KCNT2: variants seen among roughly 807,000 people sequenced by gnomAD.
The protein encoded by KCNT2 is potassium sodium-activated channel subfamily T member 2.
Under a neutral mutation model 153.8 loss-of-function variants are expected in KCNT2, and 67 were observed. That is an observed-to-expected ratio of 0.44 (90% CI 0.36 to 0.53). KCNT2 has a LOEUF of 0.53. Among genes scored for constraint, KCNT2 ranks in the 20% least tolerant of loss-of-function variants. The pLI, the probability that KCNT2 is intolerant of heterozygous loss-of-function variation, is 0.00. For missense variants in KCNT2, 975 were observed against 1,354.8 expected (o/e 0.72, Z 4.40); for synonymous variants, 500 against 458.8 (o/e 1.09, Z -1.15).
intron 25 of KCNT2, among the ~76,000 whole-genome samples, chr1:196,271,453 T>C (rs889463523): frequency 6.6e-6 from 1 of 152,012 alleles, no homozygotes; most frequent in East Asian, 1.9e-4. Flanking sequence ...CAGAAAGCCA[T>C]GACTACGTAG....
At chr1:196,401,473 G>C (rs936037662) in intron 12 of KCNT2, among the ~76,000 whole-genome samples, 2 of 151,472 alleles carry the variant, frequency 1.3e-5, no homozygotes, top group African/African-American at 4.8e-5. Flanking sequence ...AAACATGTTT[G>C]TAATAAAAAA....
At chr1:196,598,960 A>G (rs1664405126) in intron 1 of KCNT2, among the ~76,000 whole-genome samples, 1 of 152,244 alleles carries the variant, frequency 6.6e-6, no homozygotes, top group Non-Finnish European at 1.5e-5. Context: ...TTGGAAATGG[A>G]TGAAATAGCA....
intron 1 of KCNT2, among the ~76,000 whole-genome samples, chr1:196,571,189 G>A (rs1243474702): frequency 1.3e-5 from 2 of 152,038 alleles, no homozygotes; most frequent in Admixed American, 6.6e-5. Flanking sequence ...TTTTTGCAAA[G>A]ATATGGATGG....
In KCNT2 at chr1:196,492,252, A is replaced by T. The variant is rs1487627136; in HGVS notation, c.175+10T>A. The T allele has an allele frequency of 2.1e-6, 3 of 1,417,870 alleles. No homozygotes were observed. 87.8% of individuals were successfully genotyped at this position (1,417,870 alleles called of 1,614,324 possible). On this transcript the variant is annotated intron_variant, in intron 2 of 27. Transcript: ENST00000294725. ...TGTACGAACAGAGGGGAATGAAATGAATAACTTACTTGATCTCTGGTTTTT... is the reference window on the plus strand; with the variant it reads ...TGTACGAACAGAGGGGAATGAAATGTATAACTTACTTGATCTCTGGTTTTT...
At chr1:196,454,967 T>C (rs990422365) in intron 8 of KCNT2, among the ~76,000 whole-genome samples, 1 of 151,954 alleles carries the variant, frequency 6.6e-6, no homozygotes, top group African/African-American at 2.4e-5. Context: ...TTCCATGTGA[T>C]TGTTGGACTA....
At chr1:196,318,659 C>T (rs1026373357) in intron 20 of KCNT2, among the ~76,000 whole-genome samples, 2 of 151,638 alleles carry the variant, frequency 1.3e-5, no homozygotes, top group Non-Finnish European at 2.9e-5. Context: ...TTAGTATTAT[C>T]ATAACTGATG....
At chr1:196,407,587 G>T (rs149238604) in intron 12 of KCNT2, among the ~76,000 whole-genome samples, 1 of 151,342 alleles carries the variant, frequency 6.6e-6, no homozygotes, top group Non-Finnish European at 1.5e-5. Context: ...TTATGTGCTT[G>T]TTTCAGTGCC....
At chr1:196,341,715 A>G (rs764686014) in intron 15 of KCNT2, among the ~76,000 whole-genome samples, 6 of 151,678 alleles carry the variant, frequency 4.0e-5, no homozygotes, top group Non-Finnish European at 5.9e-5. Flanking sequence ...TTTTTTTTTC[A>G]AATGTACAGT....
chr1:196,323,858 C>T (rs953304091), intron 19 of KCNT2, among the ~76,000 whole-genome samples: 5 of 151,172 alleles, frequency 3.3e-5, no homozygotes, highest in African/African-American at 2.4e-5. Context: ...TGTAGGAATT[C>T]CTATAATATG....
chr1:196,282,411 T>C, intron 23 of KCNT2, 55 bp from the exon 24 acceptor site: 1 of 874,612 alleles, frequency 1.1e-6, no homozygotes, highest in Non-Finnish European at 1.9e-6. Flanking sequence ...ATAATGTGTA[T>C]GAGATGTGTA....
chr1:196,367,176 T>G (rs933562261), intron 14 of KCNT2, among the ~76,000 whole-genome samples: 2 of 152,146 alleles, frequency 1.3e-5, no homozygotes, highest in Non-Finnish European at 1.5e-5. Flanking sequence ...ATAATAATCA[T>G]ATGACTTGTT....
chr1:196,455,941 A>T (rs903150126), intron 8 of KCNT2, among the ~76,000 whole-genome samples: 1 of 152,044 alleles, frequency 6.6e-6, no homozygotes, highest in South Asian at 2.1e-4. Context: ...TTTGGAGCCC[A>T]GGCAGATTGG....
At chr1:196,335,001 G>T (rs1367467594) in intron 16 of KCNT2, among the ~76,000 whole-genome samples, 2 of 152,058 alleles carry the variant, frequency 1.3e-5, no homozygotes. Context: ...AGGCATTCAA[G>T]GAATAGAAGG....
At chr1:196,525,260 C>T (rs902599569) in intron 1 of KCNT2, among the ~76,000 whole-genome samples, 1 of 152,122 alleles carries the variant, frequency 6.6e-6, no homozygotes, top group African/African-American at 2.4e-5. Context: ...ACAGCAAATT[C>T]CCAGATGGAG....
At chr1:196,231,854 G>A (rs1653984878) in intron 27 of KCNT2, among the ~76,000 whole-genome samples, 1 of 151,808 alleles carries the variant, frequency 6.6e-6, no homozygotes, top group Admixed American at 6.6e-5. Flanking sequence ...GTTTGAAAAG[G>A]AGAGAAGAAA....
At chr1:196,348,326 G>A (rs1558178240) in intron 14 of KCNT2, among the ~76,000 whole-genome samples, 1 of 151,970 alleles carries the variant, frequency 6.6e-6, no homozygotes, top group Non-Finnish European at 1.5e-5. Flanking sequence ...AAATATTATG[G>A]ACAAAAAGCG....
intron 13 of KCNT2, among the ~76,000 whole-genome samples, chr1:196,391,846 T>A (rs1670523364): frequency 6.6e-6 from 1 of 151,340 alleles, no homozygotes; most frequent in Non-Finnish European, 1.5e-5. Context: ...TGCTTTTCCA[T>A]AAATCTAAAA....
chr1:196,600,680 G>A (rs1460377064), intron 1 of KCNT2, among the ~76,000 whole-genome samples: 1 of 151,998 alleles, frequency 6.6e-6, no homozygotes, highest in Non-Finnish European at 1.5e-5. Context: ...GATTAACAGT[G>A]TTCTATATTT....
intron 17 of KCNT2, 84 bp from the exon 18 acceptor site, chr1:196,331,345 T>C (rs1023043902): frequency 1.3e-6 from 1 of 771,844 alleles, no homozygotes; most frequent in East Asian, 2.5e-5. Flanking sequence ...TCTGTTTTAA[T>C]AACATTATAA....
Sources: allele counts gnomAD v4.1 joint callset (sites outside exome capture counted in the v4.1 genomes callset), GRCh38; gene constraint gnomAD v4.1.1; transcripts MANE v1.5; gene names NCBI Gene and HGNC (gene_info 2026-07-23, HGNC 2026-07-21).